The following SMG7 variants were observed in gnomAD, a reference collection of about 807,000 sequenced individuals.
SMG7 encodes the protein SMG7 nonsense mediated mRNA decay factor.
In SMG7, 34 loss-of-function variants were observed where a neutral mutation model predicts 148.2. The ratio of observed to expected loss-of-function variants is 0.23; its 90% CI spans 0.17 to 0.31. SMG7 has a LOEUF of 0.31. Among genes scored for constraint, SMG7 ranks in the 10% least tolerant of loss-of-function variants. The pLI is 1.00. For synonymous variants in SMG7, 492 were observed against 515.1 expected (o/e 0.96, Z 0.61); for missense variants, 1,114 against 1,408.4 (o/e 0.79, Z 3.35).
At chr1:183,507,740 T>G (rs1172786348) in intron 1 of SMG7, among the ~76,000 whole-genome samples, 3 of 152,330 alleles carry the variant, frequency 2.0e-5, no homozygotes, top group African/African-American at 7.2e-5. Context: ...TAGTATATAG[T>G]ACTGAGTGTT....
chr1:183,484,653 T>A (rs1654991311), intron 1 of SMG7, among the ~76,000 whole-genome samples: 1 of 152,132 alleles, frequency 6.6e-6, no homozygotes, highest in African/African-American at 2.4e-5. Context: ...TGCTTTTGTG[T>A]TGGATTTGGG....
chr1:183,507,542 T>G (rs1267389606), intron 1 of SMG7, among the ~76,000 whole-genome samples: 1 of 152,234 alleles, frequency 6.6e-6, no homozygotes, highest in Non-Finnish European at 1.5e-5. Context: ...CTCCTTGGGT[T>G]TCTTGCACTA....
chr1:183,475,291 A>G (rs1331522138), intron 1 of SMG7, among the ~76,000 whole-genome samples: 2 of 152,220 alleles, frequency 1.3e-5, no homozygotes, highest in African/African-American at 2.4e-5. Context: ...AGTTAAATAT[A>G]TATCAGGTGG....
At chr1:183,494,860 C>T (rs1321212229) in intron 1 of SMG7, among the ~76,000 whole-genome samples, 4 of 138,760 alleles carry the variant, frequency 2.9e-5, no homozygotes. Flanking sequence ...TTGGGTGTCT[C>T]GCTCTGTTGC....
intron 12 of SMG7, among the ~76,000 whole-genome samples, chr1:183,539,151 CA>C (rs535031932): frequency 2.7e-5 from 4 of 148,044 alleles, no homozygotes; most frequent in Non-Finnish European, 3.0e-5. Flanking sequence ...GACTCCGTCT[CA>C]AAAAAAAAAG....
chr1:183,489,099 C>T (rs903144420), intron 1 of SMG7, among the ~76,000 whole-genome samples: 2 of 152,006 alleles, frequency 1.3e-5, no homozygotes, highest in African/African-American at 4.8e-5. Context: ...GCACAATAGG[C>T]TTAATTAACC....
intron 13 of SMG7, 97 bp downstream of exon 13, chr1:183,541,200 AC>A (rs1307121623): frequency 9.0e-7 from 1 of 1,107,280 alleles, no homozygotes; most frequent in East Asian, 2.5e-5. Flanking sequence ...CTCATATGTT[AC>A]GTATTTTAGG....
chr1:183,472,706 G>C lies in SMG7; in HGVS notation c.29+57G>C, dbSNP rs535370176. ...GGAGCGGGCCGCAGGTTGGGGCATG[G>C]AGCAACAGACACCGAGGTAAGTCCG... On this transcript the variant is annotated intron_variant, in intron 1 of 22. Coordinates refer to ENST00000688051, the MANE Select transcript of SMG7 (RefSeq NM_001375584.1). The C allele has an allele frequency of 5.7e-6, 8 of 1,401,520 alleles. No individual in the cohort carries two copies. In the East Asian group the frequency reaches 2.2e-4, roughly 39 times the overall value. The allele number at this position is 1,401,520 out of a possible 1,614,324, so 86.8% of individuals were successfully genotyped here. A position where few individuals can be genotyped will look rare whatever the true frequency, so the allele number is the denominator to read the frequency against.
At chr1:183,483,624 T>C (rs1254132558) in intron 1 of SMG7, among the ~76,000 whole-genome samples, 1 of 152,154 alleles carries the variant, frequency 6.6e-6, no homozygotes, top group Non-Finnish European at 1.5e-5. Flanking sequence ...ACTTGTGTAA[T>C]ATATTATGAG....
chr1:183,495,157 A>G (rs10797884), intron 1 of SMG7, among the ~76,000 whole-genome samples: 24,406 of 151,844 alleles, frequency 0.16, 2,263 homozygotes, highest in African/African-American at 0.27. Flanking sequence ...GGTAATATAT[A>G]TATATTTTTT....
At chr1:183,483,031 CTT>C (rs549602040) in intron 1 of SMG7, among the ~76,000 whole-genome samples, 37 of 152,258 alleles carry the variant, frequency 2.4e-4, no homozygotes, top group African/African-American at 8.2e-4. Context: ...AGAAGAAAAA[CTT>C]TGCAGACCCT....
chr1:183,542,383 A>G lies in SMG7; in HGVS notation c.1723A>G (p.Lys575Glu), dbSNP rs1369289058. Reference protein sequence around the residue: ...PPKEVRRDYSKGITVTKNDGK... With the variant: ...PPKEVRRDYSEGITVTKNDGK... ...CAAAGAGGTGAGAAGGGACTATAGC[A>G]AAGGAATAACTGTAACTAAGAATGA... The change falls in exon 14 of 23, where the codon AAA becomes GAA. Residue 575 changes from lysine to glutamate, a missense_variant. Physicochemically the swap from Lys to Glu is moderately conservative, Grantham distance 56. Transcript: ENST00000688051. The G allele has an allele frequency of 1.9e-6, 3 of 1,613,958 alleles. No homozygotes were observed. Among genetic ancestry groups the G allele is most frequent in the Admixed American group, 3.3e-5 (2 of 59,992 alleles).
At chr1:183,531,405 C>G (rs530486394) in intron 8 of SMG7, among the ~76,000 whole-genome samples, 2 of 152,178 alleles carry the variant, frequency 1.3e-5, no homozygotes, top group East Asian at 3.9e-4. Flanking sequence ...TAGCAAAAAT[C>G]TTATCAGTTC....
rs775168364 is a variant in SMG7 at position 183,517,762 on chromosome 1, G to C, written c.254G>C (p.Ser85Thr). 5.0e-6 allele frequency: 8 copies of C among 1,614,144 alleles called. No individual in the cohort carries two copies. In the African/African-American group the frequency reaches 1.1e-4, roughly 22 times the overall value. Residue 85 changes from serine to threonine, a missense_variant, in exon 4 of 23, where the codon AGT becomes ACT. Around this residue, in one of 4 missense-constraint regions of SMG7, gnomAD observed 216 missense variants for 329.1 expected, o/e 0.66. Coordinates refer to ENST00000688051, the MANE Select transcript of SMG7 (RefSeq NM_001375584.1). ...AAGAATCGAGCAAATCCGAATCGGAGTGAAGTTCAGGCAAACCTTTCTCTG... is the reference window on the plus strand; with the variant it reads ...AAGAATCGAGCAAATCCGAATCGGACTGAAGTTCAGGCAAACCTTTCTCTG... The part of the protein sequence containing the change: ...QAKNRANPNR[S>T]EVQANLSLFL...
At chr1:183,548,441 T>G (rs1304361243) in intron 18 of SMG7, among the ~76,000 whole-genome samples, 1 of 152,184 alleles carries the variant, frequency 6.6e-6, no homozygotes, top group South Asian at 2.1e-4. Context: ...GTTCCCTTAG[T>G]GTCCCTTTCA....
chr1:183,541,130 C>G, intron 13 of SMG7, 27 bp downstream of exon 13: 1 of 1,606,482 alleles, frequency 6.2e-7, no homozygotes, highest in Middle Eastern at 1.7e-4. Context: ...TGGTCTACCC[C>G]TTTTTAACCA....
intron 1 of SMG7, among the ~76,000 whole-genome samples, chr1:183,484,065 C>G (rs1654831236): frequency 6.6e-6 from 1 of 151,964 alleles, no homozygotes; most frequent in African/African-American, 2.4e-5. Context: ...TAGTTTTTTA[C>G]CTTGGCTACC....
chr1:183,546,317 G>A lies in SMG7; in HGVS notation c.2722G>A (p.Val908Ile), dbSNP rs372784161. Reference protein sequence around the residue: ...PGVFRPEQDPVPRMPFEDPKS... With the variant: ...PGVFRPEQDPIPRMPFEDPKS... ...AGTCTTCCGTCCAGAGCAGGATCCT[G>A]TACCCAGAATGCCGTTTGAGGTGTG... Residue 908 changes from valine (V) to isoleucine (I), a missense_variant, in exon 17 of 23, where the codon GTA (valine) becomes ATA (isoleucine). Around this residue, in one of 4 missense-constraint regions of SMG7, gnomAD observed 788 missense variants for 894.5 expected, o/e 0.88. Coordinates refer to ENST00000688051, the MANE Select transcript of SMG7 (RefSeq NM_001375584.1). 178 of 1,612,148 alleles carry A rather than the reference G, an allele frequency of 1.1e-4. No individual in the cohort carries two copies. The highest frequency in any genetic ancestry group is 1.4e-4 in the Non-Finnish European group (166 of 1,178,794).
Position 183,551,332 on chromosome 1 carries a change from G to T in SMG7, c.3450+142G>T. 1.9e-5 allele frequency: 14 copies of T among 739,426 alleles called. No individual in the cohort carries two copies. In the South Asian group the frequency reaches 3.8e-4, roughly 20 times the overall value. The allele number at this position is 739,426 out of a possible 1,614,324, so 45.8% of individuals were successfully genotyped here. ...TATATAACAAAGTCCTAGAAACATG[G>T]TCTGCCTTACAAGATTCTTGAGTGA... On this transcript the variant is annotated intron_variant, in intron 22 of 22. Coordinates refer to ENST00000688051, the MANE Select transcript of SMG7 (RefSeq NM_001375584.1).
Sources: gnomAD v4.1 joint callset for allele counts (sites outside exome capture counted in the v4.1 genomes callset) on GRCh38, gnomAD v4.1.1 for gene constraint, gnomAD v4.1.1 regional missense constraint, MANE v1.5 for transcripts, NCBI Gene and HGNC (gene_info 2026-07-23, HGNC 2026-07-21) for gene names.